C16orf78: variants seen among roughly 807,000 people sequenced by gnomAD.
C16orf78 encodes chromosome 16 open reading frame 78.
C16orf78 carries 19 observed loss-of-function variants against 27.3 expected under a neutral mutation model. That is an observed-to-expected ratio of 0.70 (90% CI 0.49 to 1.02). The LOEUF is 1.02. Among genes scored for constraint, C16orf78 ranks in the 50% least tolerant of loss-of-function variants. The pLI is 0.00. For synonymous variants in C16orf78, 130 were observed against 116.1 expected (o/e 1.12, Z -0.77); for missense variants, 339 against 337.0 (o/e 1.01, Z -0.05).
chr16:49,383,751 C>T (rs560494501), intron 3 of C16orf78, among the ~76,000 whole-genome samples: 86 of 152,086 alleles, frequency 5.7e-4, no homozygotes, highest in South Asian at 1.2e-3. Flanking sequence ...TCAGAACTTT[C>T]GGAGGCCAAG....
chr16:49,383,539 T>A (rs1026029676), intron 3 of C16orf78, among the ~76,000 whole-genome samples: 1 of 152,226 alleles, frequency 6.6e-6, no homozygotes, highest in Admixed American at 6.5e-5. Context: ...GTCCTGTAGC[T>A]TCTGCCTCCT....
intron 1 of C16orf78, among the ~76,000 whole-genome samples, chr16:49,377,091 C>A (rs1188953605): frequency 1.3e-5 from 2 of 152,188 alleles, no homozygotes; most frequent in Non-Finnish European, 1.5e-5. Context: ...CCCTAATGAC[C>A]CTGCCCTCCC....
chr16:49,385,533 G>A (rs1383159975), intron 3 of C16orf78, among the ~76,000 whole-genome samples: 1 of 151,844 alleles, frequency 6.6e-6, no homozygotes, highest in Non-Finnish European at 1.5e-5. Flanking sequence ...TTGGTGGCAT[G>A]CGCCTCAGCT....
At chr16:49,387,931 G>A (rs1965369343) in intron 3 of C16orf78, among the ~76,000 whole-genome samples, 1 of 151,956 alleles carries the variant, frequency 6.6e-6, no homozygotes, top group Non-Finnish European at 1.5e-5. Context: ...TGTCTATTTG[G>A]ATCCTGTCTC....
intron 3 of C16orf78, among the ~76,000 whole-genome samples, chr16:49,395,069 T>C (rs1264076610): frequency 6.6e-6 from 1 of 152,100 alleles, no homozygotes; most frequent in African/African-American, 2.4e-5. Flanking sequence ...AGTCTCACTT[T>C]GTTAGTCTTG....
At chr16:49,378,402 G>C in intron 2 of C16orf78, 68 bp from the exon 3 acceptor site, 2 of 1,518,772 alleles carry the variant, frequency 1.3e-6, no homozygotes, top group South Asian at 1.2e-5. Context: ...CTGTTTGCTT[G>C]GGATGGAGCG....
chr16:49,399,147 A>G lies in C16orf78; in HGVS notation c.667A>G (p.Lys223Glu). The G allele has an allele frequency of 1.2e-6, 2 of 1,614,098 alleles. No individual in the cohort carries two copies. The highest frequency in any genetic ancestry group is 8.5e-7 in the Non-Finnish European group (1 of 1,179,966). The change falls in exon 5 of 5, where the codon AAG becomes GAG. Residue 223 changes from lysine (K) to glutamate (E), a missense_variant. Physicochemically the swap from Lys to Glu is moderately conservative, Grantham distance 56 (BLOSUM62 1). Coordinates refer to ENST00000299191, the MANE Select transcript of C16orf78 (RefSeq NM_144602.4). ...CTTGAACAGATACCTGAGGTTATCC[A>G]AGGAGAACATTCGGACCTTGCTCAA... Reference protein sequence around the residue: ...VLSCRYLRLSKENIRTLLKLC... With the variant: ...VLSCRYLRLSEENIRTLLKLC...
intron 4 of C16orf78, among the ~76,000 whole-genome samples, chr16:49,398,671 T>G (rs143676606): frequency 6.6e-6 from 1 of 152,218 alleles, no homozygotes; most frequent in Non-Finnish European, 1.5e-5. Flanking sequence ...CACCATCTTC[T>G]TCCTAATGCC....
rs748528343 is a variant in C16orf78, at chr16:49,377,738, A to G, written c.158A>G (p.Lys53Arg). Reference protein sequence around the residue: ...GKKKQAPEKQKPKVVTVLKRN... With the variant: ...GKKKQAPEKQRPKVVTVLKRN... ...CTTCCCTTGTCTTTTCAGAAGCAAAAGCCCAAAGTGGTGACAGTCCTTAAA... is the reference window on the plus strand; with the variant it reads ...CTTCCCTTGTCTTTTCAGAAGCAAAGGCCCAAAGTGGTGACAGTCCTTAAA... The change falls in exon 2 of 5, where the codon AAG becomes AGG. Residue 53 changes from lysine to arginine, a missense_variant. Lys to Arg is a conservative substitution (Grantham distance 26). Transcript: ENST00000299191. 6.2e-7 allele frequency: 1 copy of G among 1,603,962 alleles called. No individual in the cohort carries two copies. The highest frequency in any genetic ancestry group is 8.5e-7 in the Non-Finnish European group (1 of 1,175,464).
intron 1 of C16orf78, among the ~76,000 whole-genome samples, chr16:49,375,907 C>A (rs1030184619): frequency 6.6e-6 from 1 of 152,158 alleles, no homozygotes; most frequent in Non-Finnish European, 1.5e-5. Flanking sequence ...CTCCTTTTAC[C>A]AGGATAAGAT....
At chr16:49,383,578 A>T (rs984898967) in intron 3 of C16orf78, among the ~76,000 whole-genome samples, 1 of 152,060 alleles carries the variant, frequency 6.6e-6, no homozygotes, top group Non-Finnish European at 1.5e-5. Flanking sequence ...TCTCTTCTCC[A>T]TTTCCACAAC....
chr16:49,376,674 C>T (rs1965222690), intron 1 of C16orf78, among the ~76,000 whole-genome samples: 1 of 152,206 alleles, frequency 6.6e-6, no homozygotes, highest in South Asian at 2.1e-4. Context: ...CCCTTCCACC[C>T]ACCCCGCATA....
At chr16:49,397,957 G>A (rs1176983140) in intron 4 of C16orf78, among the ~76,000 whole-genome samples, 1 of 152,058 alleles carries the variant, frequency 6.6e-6, no homozygotes, top group African/African-American at 2.4e-5. Flanking sequence ...GTAGAGATGG[G>A]GTTTTGCCAT....
chr16:49,398,692 T>A (rs1050156040), intron 4 of C16orf78, among the ~76,000 whole-genome samples: 8 of 152,192 alleles, frequency 5.3e-5, no homozygotes, highest in Non-Finnish European at 1.2e-4. Flanking sequence ...ATTCTAACTG[T>A]GGCCTTTTAA....
chr16:49,386,282 ATTGGGTAGG>A (rs1170743906), intron 3 of C16orf78, among the ~76,000 whole-genome samples: 1 of 152,198 alleles, frequency 6.6e-6, no homozygotes, highest in Non-Finnish European at 1.5e-5. Context: ...CACTCTCAAC[ATTGGGTAGG>A]TCATGCAGGC....
rs779566947 is a variant in C16orf78 at position 49,396,464 on chromosome 16, C to A, written c.436C>A (p.Arg146=). 2 of 1,614,148 alleles carry A rather than the reference C, an allele frequency of 1.2e-6. No homozygotes were observed. Among genetic ancestry groups the A allele is most frequent in the Non-Finnish European group, 1.7e-6 (2 of 1,180,010 alleles). The part of the protein sequence containing the change: ...KDAVDPESTQ[R]PNPFRRQSIV... Reference sequence around the variant, plus strand: ...TGCAGTCGACCCAGAGTCCACTCAGCGGCCAAACCCATTCCGTCGACAAAG... The same window carrying A: ...TGCAGTCGACCCAGAGTCCACTCAGAGGCCAAACCCATTCCGTCGACAAAG... Residue 146 remains arginine, a synonymous_variant, in exon 4 of 5, where the codon CGG becomes AGG. Coordinates refer to ENST00000299191, the MANE Select transcript of C16orf78 (RefSeq NM_144602.4).
chr16:49,385,116 T>C (rs1965332064), intron 3 of C16orf78, among the ~76,000 whole-genome samples: 2 of 152,190 alleles, frequency 1.3e-5, no homozygotes, highest in African/African-American at 4.8e-5. Context: ...CTAGTAAAGA[T>C]ACATATATAG....
chr16:49,388,229 G>T (rs1965373066), intron 3 of C16orf78, among the ~76,000 whole-genome samples: 1 of 152,004 alleles, frequency 6.6e-6, no homozygotes, highest in Non-Finnish European at 1.5e-5. Context: ...TCTGATTTTG[G>T]TTATTTCTTG....
intron 2 of C16orf78, 128 bp from the exon 3 acceptor site, chr16:49,378,342 G>A: frequency 7.3e-7 from 1 of 1,369,854 alleles, no homozygotes. Flanking sequence ...GCCCGGGGAA[G>A]CTCTCTCCTT....
Sources: gnomAD v4.1 joint callset for allele counts (sites outside exome capture counted in the v4.1 genomes callset) on GRCh38, gnomAD v4.1.1 for gene constraint, MANE v1.5 for transcripts, NCBI Gene and HGNC (gene_info 2026-07-23, HGNC 2026-07-21) for gene names.